The following GRAMD1C variants were observed in gnomAD, a reference collection of about 807,000 sequenced individuals.
GRAMD1C encodes the protein protein Aster-C.
A neutral mutation model predicts 97.8 loss-of-function variants in GRAMD1C; 89 were observed. The observed-to-expected ratio is 0.91, with a 90% CI of 0.77 to 1.09. The LOEUF is 1.09. GRAMD1C is among the 50% of genes least tolerant of loss of function. The probability of loss-of-function intolerance (pLI) is 0.00; values close to 1 mark genes in which losing one functional copy is unlikely to be tolerated. For synonymous variants in GRAMD1C, 256 were observed against 267.0 expected, an observed-to-expected ratio of 0.96 and a Z score of 0.40; for missense variants, 740 against 766.4, an observed-to-expected ratio of 0.97 and a Z score of 0.41.
chr3:113,915,507 G>T (rs1051354246), intron 9 of GRAMD1C, among the ~76,000 whole-genome samples, 194 bp from the exon 10 acceptor site: 1 of 152,000 alleles, frequency 6.6e-6, no homozygotes, highest in Non-Finnish European at 1.5e-5. Context: ...CATAGTTATA[G>T]GTCATACATA....
chr3:113,941,765 C>T (rs181481504), intron 17 of GRAMD1C, among the ~76,000 whole-genome samples: 20 of 152,076 alleles, frequency 1.3e-4, no homozygotes, highest in African/African-American at 3.9e-4. Context: ...ATTACAGGCG[C>T]GTGCCACCAT....
At chr3:113,830,736 T>C (rs773885297) in intron 1 of GRAMD1C, among the ~76,000 whole-genome samples, 2 of 152,248 alleles carry the variant, frequency 1.3e-5, no homozygotes, top group African/African-American at 2.4e-5. Context: ...TGACACATTG[T>C]TATGCAATGC....
At chr3:113,910,406 C>T (rs1936524614) in intron 9 of GRAMD1C, among the ~76,000 whole-genome samples, 1 of 152,114 alleles carries the variant, frequency 6.6e-6, no homozygotes, top group Non-Finnish European at 1.5e-5. Flanking sequence ...AAACAGAAAA[C>T]TTACTTGGTT....
chr3:113,861,199 A>G (rs1934362705), intron 2 of GRAMD1C, among the ~76,000 whole-genome samples: 1 of 152,226 alleles, frequency 6.6e-6, no homozygotes, highest in Non-Finnish European at 1.5e-5. Flanking sequence ...CTTGAAATTT[A>G]TCATAGACTT....
In GRAMD1C at chr3:113,865,639, T is replaced by A. The variant is rs780540937; in HGVS notation, c.175-3868T>A. ...GGACAGAAACTTCAAATGTTAAATT[T>A]TAAAAAAAATTTTTATTGTTTCAAA... On this transcript the variant is annotated intron_variant, in intron 2 of 17. Transcript: ENST00000358160. Among the ~76,000 whole-genome samples, 28 of 152,158 alleles carry A rather than the reference T, an allele frequency of 1.8e-4. 1 individual carries two copies. Among genetic ancestry groups the A allele is most frequent in the Non-Finnish European group, 2.8e-4 (19 of 68,014 alleles).
intron 5 of GRAMD1C, among the ~76,000 whole-genome samples, chr3:113,879,649 C>G (rs1935185516): frequency 6.6e-6 from 1 of 151,102 alleles, no homozygotes; most frequent in Admixed American, 6.6e-5. Context: ...GAGGCTGTTA[C>G]TCATTTGGGC....
intron 2 of GRAMD1C, among the ~76,000 whole-genome samples, chr3:113,863,222 A>G (rs1934463482): frequency 6.6e-6 from 1 of 152,220 alleles, no homozygotes; most frequent in Non-Finnish European, 1.5e-5. Context: ...AAAATGTAGT[A>G]TATTTGTATA....
intron 7 of GRAMD1C, 126 bp from the exon 8 acceptor site, chr3:113,904,014 G>T: frequency 3.5e-6 from 2 of 569,720 alleles, no homozygotes; most frequent in Non-Finnish European, 6.1e-6. Flanking sequence ...ACATTTATTT[G>T]CTATATTACA....
intron 6 of GRAMD1C, among the ~76,000 whole-genome samples, chr3:113,891,333 A>C (rs1457763554): frequency 6.6e-6 from 1 of 152,060 alleles, no homozygotes; most frequent in Non-Finnish European, 1.5e-5. Context: ...AATGATAGCA[A>C]CTCCCATTTA....
At chr3:113,911,649 T>TTTTC (rs978276214) in intron 9 of GRAMD1C, among the ~76,000 whole-genome samples, 1 of 151,382 alleles carries the variant, frequency 6.6e-6, no homozygotes, top group African/African-American at 2.4e-5. Context: ...CCTTCTTTCT[T>TTTTC]TTTCTTTCTT....
chr3:113,941,117 A>G (rs920617434), intron 17 of GRAMD1C, among the ~76,000 whole-genome samples: 1 of 152,170 alleles, frequency 6.6e-6, no homozygotes, highest in Non-Finnish European at 1.5e-5. Context: ...AATGGAGCAC[A>G]TCCAACAGTA....
upstream of GRAMD1C, among the ~76,000 whole-genome samples, chr3:113,837,893 G>A (rs1303711948): frequency 6.6e-6 from 1 of 152,206 alleles, no homozygotes; most frequent in East Asian, 1.9e-4. Context: ...GTCTAATAGA[G>A]CCAGAACCTG....
intron 6 of GRAMD1C, chr3:113,886,104 A>C: frequency 6.7e-7 from 1 of 1,489,946 alleles, no homozygotes. Context: ...TTGGGATGCC[A>C]TCTGATGCCC....
chr3:113,878,578 C>G (rs1400317256), intron 5 of GRAMD1C, among the ~76,000 whole-genome samples: 2 of 152,066 alleles, frequency 1.3e-5, no homozygotes, highest in African/African-American at 4.8e-5. Context: ...GTTTATCCAT[C>G]TATCCATCCA....
intron 10 of GRAMD1C, among the ~76,000 whole-genome samples, chr3:113,928,429 A>G (rs1937303816): frequency 6.6e-6 from 1 of 152,244 alleles, no homozygotes; most frequent in South Asian, 2.1e-4. Flanking sequence ...GATAACATCC[A>G]TATGCCACTT....
intron 5 of GRAMD1C, among the ~76,000 whole-genome samples, chr3:113,877,325 G>A (rs774761522): frequency 9.9e-5 from 15 of 152,172 alleles, no homozygotes; most frequent in African/African-American, 1.7e-4. Context: ...ATTCAACATC[G>A]AAAAATTAAC....
At chr3:113,830,349 T>C (rs1709541723) in intron 1 of GRAMD1C, among the ~76,000 whole-genome samples, 1 of 152,134 alleles carries the variant, frequency 6.6e-6, no homozygotes, top group Non-Finnish European at 1.5e-5. Context: ...GCACTGAGGC[T>C]GGCATTCACC....
At chr3:113,871,676 C>T (rs894117766) in intron 3 of GRAMD1C, among the ~76,000 whole-genome samples, 13 of 139,460 alleles carry the variant, frequency 9.3e-5, no homozygotes, top group African/African-American at 8.0e-5. Flanking sequence ...ACCTGGGAGG[C>T]GGAGCTTGCA....
intron 3 of GRAMD1C, among the ~76,000 whole-genome samples, chr3:113,871,744 C>G (rs75967917): frequency 1.5e-5 from 1 of 65,410 alleles, no homozygotes. Flanking sequence ...GACTCTGTCT[C>G]AAAAAAAAAA....
Sources: allele counts gnomAD v4.1 joint callset (sites outside exome capture counted in the v4.1 genomes callset), GRCh38; gene constraint gnomAD v4.1.1; transcripts MANE v1.5; gene names NCBI Gene and HGNC (gene_info 2026-07-23, HGNC 2026-07-21).